Variants in THADA observed in about 807,000 individuals in gnomAD.
THADA encodes THADA armadillo repeat containing.
In THADA, 213 loss-of-function variants were observed where a neutral mutation model predicts 219.8. The observed-to-expected ratio is 0.97, with a 90% CI of 0.87 to 1.09. THADA has a LOEUF of 1.09. THADA is among the 50% of genes least tolerant of loss of function. The pLI is 0.00. For missense variants in THADA, 2,956 were observed against 2,311.3 expected (o/e 1.28, Z -5.72); for synonymous variants, 1,018 against 828.9 (o/e 1.23, Z -3.92).
At chr2:43,410,032 A>T (rs1028294292) in intron 28 of THADA, among the ~76,000 whole-genome samples, 9 of 152,008 alleles carry the variant, frequency 5.9e-5, no homozygotes, top group African/African-American at 1.7e-4. Flanking sequence ...AAAAAAAAAA[A>T]AATAAGAGAG....
At chr2:43,314,014 G>C (rs564744087) in intron 31 of THADA, among the ~76,000 whole-genome samples, 53 of 152,292 alleles carry the variant, frequency 3.5e-4, no homozygotes, top group South Asian at 2.5e-3. Context: ...GGCAGTGCTT[G>C]GCATAGAGAT....
At chr2:43,545,566 A>G (rs910751188) in intron 20 of THADA, among the ~76,000 whole-genome samples, 2 of 152,224 alleles carry the variant, frequency 1.3e-5, no homozygotes, top group African/African-American at 4.8e-5. Flanking sequence ...CTATTGGTCT[A>G]TTCAGAGATT....
At chr2:43,525,268 G>C (rs6751035) in intron 22 of THADA, among the ~76,000 whole-genome samples, 2 of 152,122 alleles carry the variant, frequency 1.3e-5, no homozygotes, top group South Asian at 2.1e-4. Context: ...GTTGGTTCAT[G>C]TGGCAGATGG....
At chr2:43,434,658 C>T (rs1679835285) in intron 26 of THADA, among the ~76,000 whole-genome samples, 1 of 152,158 alleles carries the variant, frequency 6.6e-6, no homozygotes, top group Non-Finnish European at 1.5e-5. Flanking sequence ...GACAGGCCGC[C>T]GAGTGGCCCA....
chr2:43,399,405 A>T (rs946385920), intron 28 of THADA, among the ~76,000 whole-genome samples: 1 of 152,234 alleles, frequency 6.6e-6, no homozygotes, highest in Non-Finnish European at 1.5e-5. Flanking sequence ...AGGGCCCTAC[A>T]ATAGCAATGT....
At chr2:43,328,474 A>G (rs1679586477) in intron 30 of THADA, among the ~76,000 whole-genome samples, 3 of 152,210 alleles carry the variant, frequency 2.0e-5, no homozygotes, top group African/African-American at 7.2e-5. Context: ...CAGCCCTCCT[A>G]CTTGGATTTT....
intron 12 of THADA, 133 bp downstream of exon 12, chr2:43,572,681 A>T: frequency 1.5e-6 from 1 of 681,910 alleles, no homozygotes; most frequent in Non-Finnish European, 2.2e-6. Flanking sequence ...TAGTTGGGAG[A>T]CTAGGGTTTC....
At position 43,560,294 on chromosome 2, in the gene THADA, GTCTTCAAAAGTGCTGGTAAAACA is replaced by G; in HGVS notation, c.2380_2402del (p.Cys794ArgfsTer7). 1 of 1,612,154 alleles carries G rather than the reference GTCTTCAAAAGTGCTGGTAAAACA, an allele frequency of 6.2e-7. No homozygotes were observed. Among genetic ancestry groups the G allele is most frequent in the Non-Finnish European group, 8.5e-7 (1 of 1,179,122 alleles). ...GAAGATCAAATGCTAAAATTTTCAC[GTCTTCAAAAGTGCTGGTAAAACA>G]TTCCATTAGTGTTTGGAAACGACCA... On this transcript the variant is annotated frameshift_variant, in exon 16 of 38. Coordinates refer to ENST00000405975, the MANE Select transcript of THADA (RefSeq NM_022065.5). LOFTEE classifies it high-confidence loss of function.
chr2:43,588,680 TGA>T (rs1231754104), intron 4 of THADA, among the ~76,000 whole-genome samples: 2 of 152,128 alleles, frequency 1.3e-5, no homozygotes, highest in Non-Finnish European at 2.9e-5. Context: ...ATTTAAAGAT[TGA>T]TAGTATCCAA....
chr2:43,298,840 A>T (rs1287317211), intron 31 of THADA, among the ~76,000 whole-genome samples: 1 of 152,160 alleles, frequency 6.6e-6, no homozygotes, highest in African/African-American at 2.4e-5. Context: ...ATGAAGGTAG[A>T]CATTCCTTTG....
intron 26 of THADA, among the ~76,000 whole-genome samples, chr2:43,460,035 T>C (rs1325979112): frequency 1.3e-5 from 2 of 152,062 alleles, no homozygotes; most frequent in South Asian, 2.1e-4. Context: ...CACAAGGATG[T>C]TGGCTTCATG....
chr2:43,578,630 A>C (rs1197865007), intron 8 of THADA, 23 bp from the exon 9 acceptor site: 1 of 1,522,424 alleles, frequency 6.6e-7, no homozygotes, highest in South Asian at 1.2e-5. Flanking sequence ...AAAGGAGAGA[A>C]GCTTGTGTTA....
chr2:43,364,380 C>T (rs1252440071), intron 29 of THADA, among the ~76,000 whole-genome samples: 1 of 152,170 alleles, frequency 6.6e-6, no homozygotes, highest in Non-Finnish European at 1.5e-5. Context: ...TACTAACGTT[C>T]CCCAAATGTT....
Position 43,549,370 on chromosome 2 carries a change from T to A in THADA, c.2948-2A>T. The A allele has an allele frequency of 6.2e-7, 1 of 1,600,376 alleles. No individual in the cohort carries two copies. Among genetic ancestry groups the A allele is most frequent in the Non-Finnish European group, 8.5e-7 (1 of 1,173,962 alleles). On this transcript the variant is annotated splice_acceptor_variant, in intron 19 of 37. Transcript: ENST00000405975. LOFTEE classifies it high-confidence loss of function. ...TCATCTGTAAGCGGCTTGCTGACTC[T>A]GAGGGAAAGAAATGAGCGTACATGA...
intron 22 of THADA, among the ~76,000 whole-genome samples, chr2:43,526,241 T>C (rs1451662593): frequency 3.3e-5 from 5 of 152,202 alleles, no homozygotes; most frequent in African/African-American, 7.2e-5. Flanking sequence ...GAGTCACAGA[T>C]TACTGGTATT....
intron 29 of THADA, among the ~76,000 whole-genome samples, chr2:43,388,780 CTTAT>C (rs1000301691): frequency 2.0e-5 from 3 of 152,138 alleles, no homozygotes; most frequent in Non-Finnish European, 2.9e-5. Flanking sequence ...TGAAAATGGA[CTTAT>C]TTGTCTCATG....
intron 29 of THADA, among the ~76,000 whole-genome samples, chr2:43,381,861 G>C (rs6718110): frequency 0.023 from 3,542 of 152,202 alleles, 146 homozygotes; most frequent in African/African-American, 0.081. Context: ...CTGGGATTAT[G>C]ACATGAGCCA....
chr2:43,312,152 G>T (rs553426336), intron 31 of THADA, among the ~76,000 whole-genome samples: 9 of 151,782 alleles, frequency 5.9e-5, no homozygotes, highest in Non-Finnish European at 1.2e-4. Flanking sequence ...CCATGAGGTT[G>T]AGGCTGCAGC....
chr2:43,354,834 G>T (rs1235895129), intron 29 of THADA, among the ~76,000 whole-genome samples: 1 of 152,156 alleles, frequency 6.6e-6, no homozygotes, highest in Non-Finnish European at 1.5e-5. Context: ...CCCAGAGGGA[G>T]GTAATTGAAT....
Sources: allele counts gnomAD v4.1 joint callset (sites outside exome capture counted in the v4.1 genomes callset), GRCh38; gene constraint gnomAD v4.1.1; transcripts MANE v1.5; gene names NCBI Gene and HGNC (gene_info 2026-07-23, HGNC 2026-07-21).